The following CASD1 variants were observed in gnomAD, a reference collection of about 807,000 sequenced individuals.
CASD1 encodes the protein CAS1 domain sialic acid O acetyltransferase 1.
Under a neutral mutation model 100.0 loss-of-function variants are expected in CASD1, and 41 were observed. The ratio of observed to expected loss-of-function variants is 0.41; its 90% confidence interval spans 0.32 to 0.53. CASD1 has a LOEUF of 0.53. CASD1 is among the 20% of genes least tolerant of loss of function. The pLI is 0.25. For missense variants in CASD1, 774 were observed against 948.7 expected, an observed-to-expected ratio of 0.82 and a Z score of 2.42; for synonymous variants, 321 against 315.6, an observed-to-expected ratio of 1.02 and a Z score of -0.18.
intron 16 of CASD1, chr7:94,553,012 G>A (rs1409173569): frequency 4.1e-6 from 1 of 241,768 alleles, no homozygotes; most frequent in Non-Finnish European, 8.3e-6. Context: ...TACCAAATCA[G>A]ACATAGTTCC....
chr7:94,585,777 C>T, the CASD1 span, among the ~76,000 whole-genome samples: 1 of 151,836 alleles, frequency 6.6e-6, no homozygotes, highest in South Asian at 2.1e-4. Flanking sequence ...AAATTCCTCC[C>T]ACAATAAACA....
chr7:94,522,156 A>G (rs962330404), intron 3 of CASD1, among the ~76,000 whole-genome samples: 1 of 152,236 alleles, frequency 6.6e-6, no homozygotes, highest in Non-Finnish European at 1.5e-5. Flanking sequence ...CTTGTGAGCT[A>G]AACACAGATT....
At chr7:94,529,981 A>G (rs1402561566) in intron 5 of CASD1, among the ~76,000 whole-genome samples, 1 of 152,178 alleles carries the variant, frequency 6.6e-6, no homozygotes, top group Non-Finnish European at 1.5e-5. Flanking sequence ...TTGTTATTCC[A>G]CAGATATTTC....
intron 4 of CASD1, 131 bp downstream of exon 4, chr7:94,527,337 TTGTG>T (rs1488065525): frequency 3.1e-6 from 2 of 653,654 alleles, no homozygotes; most frequent in Non-Finnish European, 5.2e-6. Flanking sequence ...GAATAAAAGT[TTGTG>T]TGAGTTATTT....
chr7:94,605,815 G>C, the CASD1 span, among the ~76,000 whole-genome samples: 1 of 151,940 alleles, frequency 6.6e-6, no homozygotes, highest in Non-Finnish European at 1.5e-5. Flanking sequence ...AAATATAGTA[G>C]ATTTATATTT....
the CASD1 span, among the ~76,000 whole-genome samples, chr7:94,584,447 G>A: frequency 6.6e-6 from 1 of 152,180 alleles, no homozygotes; most frequent in South Asian, 2.1e-4. Context: ...AGAAATAAGA[G>A]AACCTACATC....
At chr7:94,588,042 C>T in the CASD1 span, 1 of 1,369,654 alleles carries the variant, frequency 7.3e-7, no homozygotes, top group Middle Eastern at 2.3e-4. Context: ...AACTAGGAAT[C>T]AACCACTAAT....
the CASD1 span, among the ~76,000 whole-genome samples, chr7:94,609,610 T>C: frequency 6.6e-6 from 1 of 152,128 alleles, no homozygotes; most frequent in East Asian, 1.9e-4. Flanking sequence ...AATATGCACA[T>C]GAAAAGATGC....
the CASD1 span, chr7:94,628,214 T>G: frequency 8.1e-6 from 13 of 1,611,292 alleles, no homozygotes; most frequent in African/African-American, 1.7e-4. Flanking sequence ...CAATGATTGT[T>G]GGCTTCCCCA....
At chr7:94,515,630 T>A (rs1793941921) in intron 1 of CASD1, among the ~76,000 whole-genome samples, 1 of 152,066 alleles carries the variant, frequency 6.6e-6, no homozygotes, top group Non-Finnish European at 1.5e-5. Context: ...CCCATATAGA[T>A]GCATAATCCC....
the CASD1 span, chr7:94,629,930 G>A: frequency 3.2e-5 from 46 of 1,456,288 alleles, no homozygotes; most frequent in Middle Eastern, 2.8e-3. Flanking sequence ...ATAAAGAGGG[G>A]TCTCACTATG....
chr7:94,521,853 A>G (rs1794295590), intron 3 of CASD1, among the ~76,000 whole-genome samples: 1 of 152,194 alleles, frequency 6.6e-6, no homozygotes, highest in Non-Finnish European at 1.5e-5. Context: ...TGGGAGGCCG[A>G]AGCGGGTGGA....
At chr7:94,604,858 T>TATATAA in the CASD1 span, among the ~76,000 whole-genome samples, 52 of 75,206 alleles carry the variant, frequency 6.9e-4, no homozygotes, top group Non-Finnish European at 1.1e-3. Flanking sequence ...TATATATATA[T>TATATAA]AATAGTTGTT....
the CASD1 span, among the ~76,000 whole-genome samples, chr7:94,571,351 C>G: frequency 6.6e-6 from 1 of 152,026 alleles, no homozygotes; most frequent in African/African-American, 2.4e-5. Context: ...TCACACACTT[C>G]CCACCCCCAT....
chr7:94,533,208 T>G lies in CASD1; in HGVS notation c.463T>G (p.Ser155Ala), dbSNP rs1794937295. 2 of 1,606,810 alleles carry G rather than the reference T, an allele frequency of 1.2e-6. No individual in the cohort carries two copies. Among genetic ancestry groups the G allele is most frequent in the Non-Finnish European group, 1.7e-6 (2 of 1,174,996 alleles). Residue 155 changes from serine to alanine, a missense_variant, in exon 6 of 18, where the codon TCC (serine) becomes GCC (alanine). Coordinates refer to ENST00000297273, the MANE Select transcript of CASD1 (RefSeq NM_022900.5). ...ATAAAGATTTGTCTTCCTTTAGGAT[T>G]CCATTGCAAAGCCACATGTGATTGT... ...KQCIKVWTED[S>A]IAKPHVIVAG...
intron 3 of CASD1, among the ~76,000 whole-genome samples, chr7:94,526,684 T>C (rs531368839): frequency 1.3e-5 from 2 of 152,094 alleles, no homozygotes; most frequent in African/African-American, 4.8e-5. Flanking sequence ...TCCTAGCCAC[T>C]TGGGAGGCTG....
At chr7:94,581,051 G>C in the CASD1 span, among the ~76,000 whole-genome samples, 2 of 152,142 alleles carry the variant, frequency 1.3e-5, no homozygotes, top group Non-Finnish European at 2.9e-5. Context: ...ACTCACATTA[G>C]ACACATAGAC....
At chr7:94,541,306 AT>A (rs1795381324) in intron 10 of CASD1, among the ~76,000 whole-genome samples, 2 of 151,920 alleles carry the variant, frequency 1.3e-5, no homozygotes. Context: ...AATATTTTTT[AT>A]TTTGAATAAA....
chr7:94,510,269 C>T (rs1394467530), intron 1 of CASD1, 52 bp downstream of exon 1: 3 of 1,317,580 alleles, frequency 2.3e-6, no homozygotes, highest in Admixed American at 3.7e-5. Flanking sequence ...GGCGGCGACG[C>T]GGCGGCTGGA....
Sources: allele counts gnomAD v4.1 joint callset (sites outside exome capture counted in the v4.1 genomes callset), GRCh38; gene constraint gnomAD v4.1.1; transcripts MANE v1.5; gene names NCBI Gene and HGNC (gene_info 2026-07-23, HGNC 2026-07-21).